NRG1: variants seen among roughly 807,000 people sequenced by gnomAD.
NRG1 encodes pro-neuregulin-1, membrane-bound isoform.
NRG1 carries 18 observed loss-of-function variants against 63.8 expected under a neutral mutation model. That is an observed-to-expected ratio of 0.28 (90% CI 0.19 to 0.42). NRG1 has a LOEUF of 0.42. NRG1 is among the 10% of genes least tolerant of loss of function. The pLI is 1.00. For missense variants in NRG1, 762 were observed against 814.7 expected, an observed-to-expected ratio of 0.94 and a Z score of 0.79; for synonymous variants, 302 against 301.3, an observed-to-expected ratio of 1.00 and a Z score of -0.02.
At chr8:31,855,777 T>C in intron 1 of NRG1, among the ~76,000 whole-genome samples, 1 of 151,814 alleles carries the variant, frequency 6.6e-6, no homozygotes, top group East Asian at 1.9e-4. Context: ...TGTTTAGCGC[T>C]TCCTTCAGGA....
chr8:31,815,836 GT>G (rs889319698), intron 1 of NRG1, among the ~76,000 whole-genome samples: 19 of 150,908 alleles, frequency 1.3e-4, no homozygotes, highest in Admixed American at 7.2e-4. Context: ...TTTTTTCTGA[GT>G]TTTTTTTTCT....
At chr8:31,863,112 A>T (rs777848838) in intron 1 of NRG1, among the ~76,000 whole-genome samples, 2 of 151,998 alleles carry the variant, frequency 1.3e-5, no homozygotes, top group Non-Finnish European at 2.9e-5. Context: ...TCCAACTATC[A>T]ATCTGCTTGT....
At chr8:31,811,045 G>A (rs1822837463) in intron 1 of NRG1, among the ~76,000 whole-genome samples, 1 of 152,182 alleles carries the variant, frequency 6.6e-6, no homozygotes, top group Non-Finnish European at 1.5e-5. Context: ...CCTCCCCGAG[G>A]CAGATGGTTA....
intron 1 of NRG1, among the ~76,000 whole-genome samples, chr8:32,077,353 C>A (rs1384079476): frequency 1.3e-5 from 2 of 152,078 alleles, no homozygotes; most frequent in Non-Finnish European, 2.9e-5. Flanking sequence ...GCGACAAGAG[C>A]AAAACTTCAT....
intron 1 of NRG1, among the ~76,000 whole-genome samples, chr8:31,759,291 T>C (rs1354218205): frequency 1.4e-4 from 22 of 152,168 alleles, no homozygotes; most frequent in Non-Finnish European, 3.2e-4. Context: ...AGTTTTAGCA[T>C]ACTGTCTAAG....
In NRG1 at chr8:32,348,411, T is replaced by C. The variant is rs528354112; in HGVS notation, c.38-247417T>C. On this transcript the variant is annotated intron_variant, in intron 1 of 10. Coordinates refer to the NRG1 transcript ENST00000519301. ...TAAACAAATGTAAGAGTCTGGATGT[T>C]TCTACAAACATTTAAGTGGCAGGAA... 5.3e-5 allele frequency among the ~76,000 whole-genome samples: 8 copies of C among 152,314 alleles called. No homozygotes were observed. In the East Asian group the frequency reaches 1.5e-3, roughly 29 times the overall value.
chr8:31,929,905 C>T (rs1247239026), intron 1 of NRG1, among the ~76,000 whole-genome samples: 2 of 152,184 alleles, frequency 1.3e-5, no homozygotes, highest in African/African-American at 2.4e-5. Flanking sequence ...CCAAGCCTGT[C>T]TTTTGACCTG....
chr8:32,138,834 C>G (rs1391105786), intron 1 of NRG1, among the ~76,000 whole-genome samples: 1 of 152,056 alleles, frequency 6.6e-6, no homozygotes, highest in African/African-American at 2.4e-5. Context: ...ACCTCGGCCT[C>G]CCTAGGATTA....
intron 5 of NRG1, among the ~76,000 whole-genome samples, chr8:32,717,441 A>G (rs1398410623): frequency 6.6e-6 from 1 of 152,178 alleles, no homozygotes; most frequent in African/African-American, 2.4e-5. Flanking sequence ...TTAATAACAC[A>G]ATGTATTACA....
intron 1 of NRG1, among the ~76,000 whole-genome samples, chr8:31,834,953 T>C (rs1404604752): frequency 6.6e-6 from 1 of 152,152 alleles, no homozygotes; most frequent in African/African-American, 2.4e-5. Flanking sequence ...TCCTATAGAA[T>C]CACAAGAATT....
At chr8:32,760,824 G>A (rs1354408741) in intron 11 of NRG1, 9 of 1,016,154 alleles carry the variant, frequency 8.9e-6, no homozygotes, top group Non-Finnish European at 1.1e-5. Context: ...AGCTGGCCTC[G>A]TGTTCTTATC....
chr8:31,981,960 G>A (rs1462894), intron 1 of NRG1, among the ~76,000 whole-genome samples: 99,653 of 151,772 alleles, frequency 0.66, 36,157 homozygotes, highest in Non-Finnish European at 0.82. Context: ...TGGTAGAGGT[G>A]GTGGGTGAGG....
intron 1 of NRG1, among the ~76,000 whole-genome samples, chr8:32,399,242 A>C (rs1371867689): frequency 6.6e-6 from 1 of 152,254 alleles, no homozygotes; most frequent in Admixed American, 6.5e-5. Context: ...AAAGAGTCTC[A>C]AACTTCTGAT....
chr8:32,499,180 C>T (rs921055426), intron 1 of NRG1, among the ~76,000 whole-genome samples: 4 of 152,204 alleles, frequency 2.6e-5, no homozygotes, highest in Non-Finnish European at 2.9e-5. Context: ...GGTCAGTCAA[C>T]TTCAACAATT....
intron 1 of NRG1, among the ~76,000 whole-genome samples, chr8:32,128,867 A>C (rs1834439956): frequency 6.6e-6 from 1 of 151,888 alleles, no homozygotes; most frequent in African/African-American, 2.4e-5. Context: ...AGTTCATTGA[A>C]TGTTCAAGCC....
chr8:31,920,544 A>G (rs1301698007), intron 1 of NRG1, among the ~76,000 whole-genome samples: 2 of 152,080 alleles, frequency 1.3e-5, no homozygotes, highest in Non-Finnish European at 1.5e-5. Flanking sequence ...AACAACTCCA[A>G]ATGGTTCTTC....
intron 1 of NRG1, among the ~76,000 whole-genome samples, chr8:32,449,422 A>C (rs1820690162): frequency 6.6e-6 from 1 of 151,952 alleles, no homozygotes; most frequent in South Asian, 2.1e-4. Flanking sequence ...CTAAAAAAAA[A>C]AAAGAACAAA....
chr8:31,776,697 C>T (rs1819178154), intron 1 of NRG1, among the ~76,000 whole-genome samples: 1 of 152,064 alleles, frequency 6.6e-6, no homozygotes, highest in Non-Finnish European at 1.5e-5. Context: ...CCTCCCCCTA[C>T]CCCACAACAG....
chr8:32,544,143 C>A (rs1181120094), upstream of NRG1, among the ~76,000 whole-genome samples: 2 of 152,062 alleles, frequency 1.3e-5, no homozygotes, highest in Admixed American at 6.6e-5. Flanking sequence ...TTGTCAAGTA[C>A]CATTGCTGTA....
Sources: gnomAD v4.1 joint callset for allele counts (sites outside exome capture counted in the v4.1 genomes callset) on GRCh38, gnomAD v4.1.1 for gene constraint, MANE v1.5 for transcripts, NCBI Gene and HGNC (gene_info 2026-07-23, HGNC 2026-07-21) for gene names.